Variants in MAGI1 observed in about 807,000 individuals in gnomAD.
MAGI1 encodes the protein membrane associated guanylate kinase, WW and PDZ domain containing 1.
A neutral mutation model predicts 139.9 loss-of-function variants in MAGI1; 58 were observed. That is an observed-to-expected ratio of 0.41 (90% CI 0.34 to 0.52). The LOEUF (loss-of-function observed/expected upper bound fraction) is 0.52, where lower values mean the gene tolerates loss of function less well. Among genes scored for constraint, MAGI1 ranks in the 20% least tolerant of loss-of-function variants. MAGI1 has a pLI of 0.12. For synonymous variants in MAGI1, 812 were observed against 737.9 expected, an observed-to-expected ratio of 1.10 and a Z score of -1.63; for missense variants, 1,874 against 1,901.6, an observed-to-expected ratio of 0.99 and a Z score of 0.27.
intron 1 of MAGI1, among the ~76,000 whole-genome samples, chr3:65,990,315 G>A (rs180929055): frequency 6.6e-6 from 1 of 152,308 alleles, no homozygotes; most frequent in Admixed American, 6.5e-5. Flanking sequence ...AAAAGTTAAA[G>A]ATTAGGGAGG....
chr3:65,792,552 C>CTAGCTATATAGCTATATATTGTTA lies in MAGI1; in HGVS notation c.314-170465_314-170464insTAACAATATATAGCTATATAGCTA, dbSNP rs1430031408. On this transcript the variant is annotated intron_variant, in intron 1 of 22. Coordinates refer to ENST00000402939, the MANE Select transcript of MAGI1 (RefSeq NM_001033057.2). ...AATAGCTAATAATATATTGTTATAG[C>CTAGCTATATAGCTATATATTGTTA]TAGCTATATAGCTAGCTATAACAAT... Among the ~76,000 whole-genome samples, 3 of 151,812 alleles carry CTAGCTATATAGCTATATATTGTTA rather than the reference C, an allele frequency of 2.0e-5. No individual in the cohort carries two copies. In the East Asian group the frequency reaches 5.8e-4, roughly 29 times the overall value.
At chr3:65,641,396 A>T (rs546774169) in intron 1 of MAGI1, among the ~76,000 whole-genome samples, 1 of 152,198 alleles carries the variant, frequency 6.6e-6, no homozygotes, top group Non-Finnish European at 1.5e-5. Flanking sequence ...AGACCAATTC[A>T]GAATCTATAG....
chr3:65,376,165 G>A (rs931650602), intron 17 of MAGI1, among the ~76,000 whole-genome samples: 2 of 152,184 alleles, frequency 1.3e-5, no homozygotes, highest in African/African-American at 2.4e-5. Flanking sequence ...ATTCATTGCT[G>A]CCATCCTTTC....
At chr3:66,011,448 T>C (rs868751280) in intron 1 of MAGI1, among the ~76,000 whole-genome samples, 1 of 152,110 alleles carries the variant, frequency 6.6e-6, no homozygotes, top group East Asian at 1.9e-4. Flanking sequence ...CATACACCCC[T>C]ATGTCATATG....
At chr3:65,984,512 ATGTGTGTGTGTGTGTGTG>A (rs34046056) in intron 1 of MAGI1, among the ~76,000 whole-genome samples, 18 of 140,470 alleles carry the variant, frequency 1.3e-4, no homozygotes, top group Middle Eastern at 3.6e-3. Flanking sequence ...TCAAAATAAA[ATGTGTGTGTGTGTGTGTG>A]TGTGTGTGTG....
intron 1 of MAGI1, among the ~76,000 whole-genome samples, chr3:65,736,295 G>T (rs1268606358): frequency 6.6e-6 from 1 of 152,164 alleles, no homozygotes; most frequent in Non-Finnish European, 1.5e-5. Context: ...GATCAATGGA[G>T]TTCCAGGTGA....
chr3:65,585,664 A>T (rs1439111876), intron 2 of MAGI1, among the ~76,000 whole-genome samples: 2 of 152,172 alleles, frequency 1.3e-5, no homozygotes, highest in Non-Finnish European at 2.9e-5. Flanking sequence ...TCTCAATTCT[A>T]GGTATCTACC....
At chr3:65,978,880 G>GC (rs1560075933) in intron 1 of MAGI1, among the ~76,000 whole-genome samples, 1 of 151,996 alleles carries the variant, frequency 6.6e-6, no homozygotes, top group Non-Finnish European at 1.5e-5. Flanking sequence ...GCCCTCCTCA[G>GC]CCTACCAAAG....
intron 1 of MAGI1, among the ~76,000 whole-genome samples, chr3:65,797,594 T>C (rs2040231127): frequency 6.6e-6 from 1 of 152,024 alleles, no homozygotes; most frequent in Admixed American, 6.6e-5. Flanking sequence ...CAAAGGCCTG[T>C]AATCCCAGCT....
chr3:65,505,122 G>C (rs1280353334), intron 2 of MAGI1, among the ~76,000 whole-genome samples: 2 of 152,130 alleles, frequency 1.3e-5, no homozygotes, highest in African/African-American at 4.8e-5. Context: ...ATGAGAAAAG[G>C]GGATGAGAGC....
intron 2 of MAGI1, among the ~76,000 whole-genome samples, chr3:65,586,161 G>A (rs1048241366): frequency 6.6e-6 from 1 of 151,916 alleles, no homozygotes. Context: ...AGTGAGCCAT[G>A]GTCATGCCAC....
chr3:65,855,170 G>C (rs530616482), intron 1 of MAGI1, among the ~76,000 whole-genome samples: 1 of 152,158 alleles, frequency 6.6e-6, no homozygotes, highest in Admixed American at 6.5e-5. Context: ...CAGACAGGAT[G>C]TGCTCATTAA....
intron 2 of MAGI1, among the ~76,000 whole-genome samples, chr3:65,594,012 C>A (rs759989374): frequency 6.6e-6 from 1 of 152,172 alleles, no homozygotes; most frequent in Non-Finnish European, 1.5e-5. Context: ...TGCCTCAGAT[C>A]TTCTCAAACA....
chr3:65,430,176 G>C, intron 11 of MAGI1, 36 bp from the exon 12 acceptor site: 2 of 1,600,506 alleles, frequency 1.2e-6, no homozygotes, highest in South Asian at 2.2e-5. Flanking sequence ...TAAGAAAACA[G>C]CACCCAGAAA....
At chr3:65,511,362 A>G (rs1411511288) in intron 2 of MAGI1, among the ~76,000 whole-genome samples, 11 of 147,548 alleles carry the variant, frequency 7.5e-5, no homozygotes, top group Admixed American at 6.1e-4. Flanking sequence ...AGACTGGCAA[A>G]TTGGATAAAG....
chr3:65,709,040 G>C (rs1361522667), intron 1 of MAGI1, among the ~76,000 whole-genome samples: 1 of 152,186 alleles, frequency 6.6e-6, no homozygotes, highest in Non-Finnish European at 1.5e-5. Flanking sequence ...CCTCAGAAGA[G>C]GGACAAGCCT....
chr3:65,851,602 A>C (rs2059205288), intron 1 of MAGI1, among the ~76,000 whole-genome samples: 1 of 152,106 alleles, frequency 6.6e-6, no homozygotes, highest in African/African-American at 2.4e-5. Flanking sequence ...TACAAAAATT[A>C]GCCAGGCGTG....
chr3:65,381,232 G>A (rs1294580845), intron 16 of MAGI1, among the ~76,000 whole-genome samples: 1 of 152,158 alleles, frequency 6.6e-6, no homozygotes, highest in Non-Finnish European at 1.5e-5. Flanking sequence ...CACTAGAATG[G>A]CAAGGAGGGA....
intron 2 of MAGI1, among the ~76,000 whole-genome samples, chr3:65,552,290 C>G (rs1039119032): frequency 7.1e-6 from 1 of 140,526 alleles, no homozygotes. Context: ...GTGTGTGTGT[C>G]CCCATTCCAA....
Sources: gnomAD v4.1 joint callset for allele counts (sites outside exome capture counted in the v4.1 genomes callset) on GRCh38, gnomAD v4.1.1 for gene constraint, MANE v1.5 for transcripts, NCBI Gene and HGNC (gene_info 2026-07-23, HGNC 2026-07-21) for gene names.